The following LHFPL6 variants were observed in gnomAD, a reference collection of about 807,000 sequenced individuals.
LHFPL6 encodes LHFPL tetraspan subfamily member 6.
LHFPL6 carries 9 observed loss-of-function variants against 20.6 expected under a neutral mutation model. The ratio of observed to expected loss-of-function variants is 0.44; its 90% confidence interval spans 0.26 to 0.76. The LOEUF is 0.76. LHFPL6 is among the 30% of genes least tolerant of loss of function. The pLI is 0.20. For synonymous variants in LHFPL6, 105 were observed against 98.7 expected (o/e 1.06, Z -0.38); for missense variants, 218 against 253.5 (o/e 0.86, Z 0.95).
chr13:39,575,185 A>G (rs763736566), intron 2 of LHFPL6, among the ~76,000 whole-genome samples: 6 of 152,154 alleles, frequency 3.9e-5, no homozygotes, highest in Admixed American at 1.3e-4. Flanking sequence ...GACCACATAC[A>G]CGGGTAACCA....
At chr13:39,536,324 G>A (rs866284845) in intron 2 of LHFPL6, among the ~76,000 whole-genome samples, 5 of 152,088 alleles carry the variant, frequency 3.3e-5, no homozygotes, top group Admixed American at 6.5e-5. Flanking sequence ...TGATGGCCAC[G>A]GAGTTGTACC....
intron 2 of LHFPL6, among the ~76,000 whole-genome samples, chr13:39,435,490 T>C (rs1186776746): frequency 6.6e-6 from 1 of 152,244 alleles, no homozygotes; most frequent in Non-Finnish European, 1.5e-5. Context: ...TTTTCTATGT[T>C]ATAAAGTAAA....
chr13:39,527,603 C>T (rs730249), intron 2 of LHFPL6, among the ~76,000 whole-genome samples: 69,666 of 151,702 alleles, frequency 0.46, 16,216 homozygotes, highest in Middle Eastern at 0.6. Flanking sequence ...GGGAATCAAA[C>T]TGAGTGTTCC....
chr13:39,530,247 CAAA>C (rs529766145), intron 2 of LHFPL6, among the ~76,000 whole-genome samples: 2 of 102,120 alleles, frequency 2.0e-5, no homozygotes, highest in Admixed American at 1.1e-4. Flanking sequence ...GACCTTGTTT[CAAA>C]AAAAAAAAAA....
Position 39,601,228 on chromosome 13 carries a change from T to A in LHFPL6, c.-12A>T, listed in dbSNP as rs754572484. The A allele has an allele frequency of 1.9e-6, 3 of 1,598,516 alleles. No homozygotes were observed. Among genetic ancestry groups the A allele is most frequent in the Non-Finnish European group, 1.7e-6 (2 of 1,171,496 alleles). On this transcript the variant is annotated 5_prime_UTR_variant, in exon 2 of 4. Coordinates refer to ENST00000379589, the MANE Select transcript of LHFPL6 (RefSeq NM_005780.3). ...AGGCTGGATGCCATCTTTCACCAGA[T>A]AGGGCAATGAGGACCCCAAGTAAGT...
chr13:39,433,036 C>T (rs1056235841), intron 2 of LHFPL6, among the ~76,000 whole-genome samples: 1 of 152,174 alleles, frequency 6.6e-6, no homozygotes, highest in Non-Finnish European at 1.5e-5. Flanking sequence ...TCCATTCAAG[C>T]TATCCAGTCA....
intron 2 of LHFPL6, among the ~76,000 whole-genome samples, chr13:39,440,345 C>A (rs1872082712): frequency 6.6e-6 from 1 of 152,112 alleles, no homozygotes; most frequent in African/African-American, 2.4e-5. Context: ...AAACAGTGAG[C>A]AGGTCAGGTG....
intron 3 of LHFPL6, among the ~76,000 whole-genome samples, chr13:39,371,448 AGCCAATAT>A (rs1870165084): frequency 6.6e-6 from 1 of 152,262 alleles, no homozygotes; most frequent in Non-Finnish European, 1.5e-5. Context: ...AAGATTGATC[AGCCAATAT>A]GCATTTAAAT....
chr13:39,500,952 C>T (rs896210995), intron 2 of LHFPL6, among the ~76,000 whole-genome samples: 2 of 152,138 alleles, frequency 1.3e-5, no homozygotes, highest in African/African-American at 2.4e-5. Flanking sequence ...GGCTCTACCT[C>T]CACAATTTGT....
intron 2 of LHFPL6, among the ~76,000 whole-genome samples, chr13:39,420,503 AAGATTT>A (rs1871454026): frequency 6.6e-6 from 1 of 152,208 alleles, no homozygotes; most frequent in Admixed American, 6.5e-5. Flanking sequence ...TCAAAATGAC[AAGATTT>A]TTAAAATACA....
At chr13:39,438,660 C>G (rs958410500) in intron 2 of LHFPL6, among the ~76,000 whole-genome samples, 2 of 152,226 alleles carry the variant, frequency 1.3e-5, no homozygotes, top group African/African-American at 2.4e-5. Flanking sequence ...GCCTCACTGC[C>G]CTCTGCAGAC....
intron 2 of LHFPL6, among the ~76,000 whole-genome samples, chr13:39,587,361 G>A (rs1872481000): frequency 6.6e-6 from 1 of 152,112 alleles, no homozygotes; most frequent in African/African-American, 2.4e-5. Flanking sequence ...TGAAGGCTGA[G>A]GAGGCTGTCT....
intron 2 of LHFPL6, among the ~76,000 whole-genome samples, chr13:39,484,455 T>C (rs552907330): frequency 6.6e-6 from 1 of 152,268 alleles, no homozygotes; most frequent in African/African-American, 2.4e-5. Flanking sequence ...ATAAACATGA[T>C]CCTGATTTGT....
intron 2 of LHFPL6, among the ~76,000 whole-genome samples, chr13:39,582,965 TTAAG>T (rs1872333912): frequency 6.6e-6 from 1 of 152,182 alleles, no homozygotes; most frequent in African/African-American, 2.4e-5. Flanking sequence ...CCATATTATA[TTAAG>T]TCTCAGGTGG....
chr13:39,371,510 C>T (rs750343756), intron 3 of LHFPL6, among the ~76,000 whole-genome samples: 12 of 152,148 alleles, frequency 7.9e-5, no homozygotes, highest in Non-Finnish European at 1.6e-4. Flanking sequence ...TATTATGTGC[C>T]AGATGCTGTG....
chr13:39,418,295 T>C (rs1483839797), intron 2 of LHFPL6, among the ~76,000 whole-genome samples: 2 of 151,860 alleles, frequency 1.3e-5, no homozygotes, highest in Non-Finnish European at 2.9e-5. Context: ...AAATGGAATA[T>C]AATAGATTCA....
intron 2 of LHFPL6, among the ~76,000 whole-genome samples, chr13:39,379,249 T>C: frequency 6.6e-6 from 1 of 152,230 alleles, no homozygotes; most frequent in East Asian, 1.9e-4. Context: ...TTTCAATTGG[T>C]GAGTCTTTAG....
intron 2 of LHFPL6, among the ~76,000 whole-genome samples, chr13:39,511,989 GCA>G (rs1299962222): frequency 6.6e-6 from 1 of 152,110 alleles, no homozygotes; most frequent in African/African-American, 2.4e-5. Flanking sequence ...TTTCTGACAG[GCA>G]GTTCACAAGT....
intron 2 of LHFPL6, among the ~76,000 whole-genome samples, chr13:39,512,584 A>G (rs1181410555): frequency 7.4e-6 from 1 of 136,052 alleles, no homozygotes; most frequent in Non-Finnish European, 1.5e-5. Context: ...CCTGGGCAAC[A>G]GAGCGAGCCT....
Sources: allele counts gnomAD v4.1 joint callset (sites outside exome capture counted in the v4.1 genomes callset), GRCh38; gene constraint gnomAD v4.1.1; transcripts MANE v1.5; gene names NCBI Gene and HGNC (gene_info 2026-07-23, HGNC 2026-07-21).